The following TBC1D22A variants were observed in gnomAD, a reference collection of about 807,000 sequenced individuals.
TBC1D22A encodes the protein TBC1 domain family member 22A, also known as putative GTPase activator.
A neutral mutation model predicts 60.2 loss-of-function variants in TBC1D22A; 38 were observed. The ratio of observed to expected loss-of-function variants is 0.63; its 90% CI spans 0.49 to 0.83. The LOEUF (loss-of-function observed/expected upper bound fraction) is 0.83. Among genes scored for constraint, TBC1D22A ranks in the 40% least tolerant of loss-of-function variants. TBC1D22A has a pLI of 0.00. For missense variants in TBC1D22A, 628 were observed against 701.0 expected (o/e 0.90, Z 1.18); for synonymous variants, 302 against 281.7 (o/e 1.07, Z -0.72).
At chr22:46,856,947 G>A (rs868661965) in intron 4 of TBC1D22A, among the ~76,000 whole-genome samples, 4 of 152,186 alleles carry the variant, frequency 2.6e-5, no homozygotes, top group Admixed American at 1.3e-4. Flanking sequence ...GTTGGGATGC[G>A]AGCTAGAGGC....
intron 1 of TBC1D22A, among the ~76,000 whole-genome samples, chr22:46,780,256 T>C (rs2083880925): frequency 6.6e-6 from 1 of 152,224 alleles, no homozygotes; most frequent in Non-Finnish European, 1.5e-5. Context: ...TTTGACTAGA[T>C]GACTTGCCTG....
intron 11 of TBC1D22A, among the ~76,000 whole-genome samples, chr22:47,055,111 G>T (rs1361482383): frequency 6.6e-6 from 1 of 152,236 alleles, no homozygotes; most frequent in Non-Finnish European, 1.5e-5. Flanking sequence ...ACACTGCATG[G>T]GTACTTGCTC....
chr22:46,906,758 G>C (rs1010518771), intron 7 of TBC1D22A, among the ~76,000 whole-genome samples: 3 of 151,862 alleles, frequency 2.0e-5, no homozygotes, highest in Non-Finnish European at 4.4e-5. Context: ...GGCTGTGTGT[G>C]TGTCCCAGAT....
chr22:47,035,240 G>C lies in TBC1D22A; in HGVS notation c.1202-1831G>C, dbSNP rs114592759. Among the ~76,000 whole-genome samples the C allele has an allele frequency of 7.5e-3, 1,137 of 152,306 alleles. 17 individuals are homozygous for C. The highest frequency in any genetic ancestry group is 0.026 in the African/African-American group (1,084 of 41,560). ...CCTGCCTCCGGGGCCTGCCTGGCCTGCTTGTACCTGCTCTCTCTGCAGGCC... is the reference window on the plus strand; with the variant it reads ...CCTGCCTCCGGGGCCTGCCTGGCCTCCTTGTACCTGCTCTCTCTGCAGGCC... On this transcript the variant is annotated intron_variant, in intron 10 of 12. Transcript: ENST00000337137.
At chr22:46,832,846 G>T (rs1423805832) in intron 4 of TBC1D22A, among the ~76,000 whole-genome samples, 1 of 152,180 alleles carries the variant, frequency 6.6e-6, no homozygotes, top group Non-Finnish European at 1.5e-5. Context: ...ACTGGAATGC[G>T]CTTTCTGTCA....
chr22:46,938,766 A>G (rs774032209), intron 8 of TBC1D22A, among the ~76,000 whole-genome samples: 6 of 151,756 alleles, frequency 4.0e-5, no homozygotes, highest in Non-Finnish European at 5.9e-5. Context: ...TTGTATTTTT[A>G]GTAGAGATGG....
chr22:46,804,261 T>G (rs903389436), intron 4 of TBC1D22A, among the ~76,000 whole-genome samples: 1 of 152,272 alleles, frequency 6.6e-6, no homozygotes, highest in African/African-American at 2.4e-5. Flanking sequence ...TGTGCCTATT[T>G]CTTTTCTCTG....
At chr22:47,114,184 C>T (rs532002164) in intron 12 of TBC1D22A, among the ~76,000 whole-genome samples, 3 of 151,936 alleles carry the variant, frequency 2.0e-5, no homozygotes, top group Non-Finnish European at 4.4e-5. Flanking sequence ...TCTCTGAGCC[C>T]GGCCTACTTA....
At chr22:46,911,932 A>AAAAAC (rs1555944178) in intron 7 of TBC1D22A, 142 bp from the exon 8 acceptor site, 5 of 545,682 alleles carry the variant, frequency 9.2e-6, no homozygotes, top group East Asian at 3.3e-5. Flanking sequence ...AAAAAAAAAA[A>AAAAAC]ATTGATATTT....
chr22:46,811,471 G>A (rs1420037933), intron 4 of TBC1D22A, among the ~76,000 whole-genome samples: 2 of 152,190 alleles, frequency 1.3e-5, no homozygotes, highest in African/African-American at 2.4e-5. Flanking sequence ...TGGGAGATGG[G>A]GCAAGCCTCT....
rs202156789 is a variant in TBC1D22A at position 47,092,892 on chromosome 22, TG to T, written c.1330-18614del. Among the ~76,000 whole-genome samples, 865 of 152,340 alleles carry T rather than the reference TG, an allele frequency of 5.7e-3. 10 individuals carry two copies. The highest frequency in any genetic ancestry group is 0.02 in the African/African-American group (821 of 41,570). On this transcript the variant is annotated intron_variant, in intron 11 of 12. Transcript: ENST00000337137. Reference sequence around the variant, plus strand: ...AAGAAAACAGCGAAGTTCATCAGTTTGGACAGGATAGCAAAAGTACCTTTAG... The same window carrying T: ...AAGAAAACAGCGAAGTTCATCAGTTTGACAGGATAGCAAAAGTACCTTTAG...
At chr22:47,143,428 C>T (rs769417347) in intron 12 of TBC1D22A, among the ~76,000 whole-genome samples, 1 of 152,234 alleles carries the variant, frequency 6.6e-6, no homozygotes, top group Non-Finnish European at 1.5e-5. Context: ...GAAGTAGAAG[C>T]CCTGCCGCGC....
intron 1 of TBC1D22A, among the ~76,000 whole-genome samples, chr22:46,765,849 C>T (rs372216571): frequency 6.6e-6 from 1 of 150,540 alleles, no homozygotes; most frequent in East Asian, 1.9e-4. Flanking sequence ...GGCATGATCT[C>T]AGCTCACTGC....
intron 4 of TBC1D22A, among the ~76,000 whole-genome samples, chr22:46,851,239 G>T (rs566714204): frequency 6.6e-6 from 1 of 152,378 alleles, no homozygotes. Flanking sequence ...AGAGGTTTCA[G>T]TCTGTTGGAG....
At chr22:46,996,740 A>C (rs1391342890) in intron 9 of TBC1D22A, among the ~76,000 whole-genome samples, 1 of 152,114 alleles carries the variant, frequency 6.6e-6, no homozygotes, top group Non-Finnish European at 1.5e-5. Context: ...TGTTGATGGG[A>C]GCTGCCTCTT....
At chr22:46,896,922 A>C (rs1206525287) in intron 7 of TBC1D22A, among the ~76,000 whole-genome samples, 10 of 152,048 alleles carry the variant, frequency 6.6e-5, no homozygotes, top group Admixed American at 6.5e-4. Context: ...TATTCCATGG[A>C]AAGTTAGGGG....
intron 9 of TBC1D22A, among the ~76,000 whole-genome samples, chr22:46,994,107 C>T (rs147410458): frequency 2.6e-5 from 4 of 152,348 alleles, no homozygotes; most frequent in East Asian, 1.9e-4. Context: ...TATTGGCTCT[C>T]AGGTGTCATT....
At chr22:46,987,804 G>A (rs1393926960) in intron 9 of TBC1D22A, among the ~76,000 whole-genome samples, 1 of 152,158 alleles carries the variant, frequency 6.6e-6, no homozygotes, top group Admixed American at 6.5e-5. Context: ...AATTAAGACA[G>A]CAATTTGAAG....
intron 12 of TBC1D22A, among the ~76,000 whole-genome samples, chr22:47,146,103 G>A (rs924494299): frequency 7.3e-5 from 11 of 150,598 alleles, no homozygotes; most frequent in South Asian, 2.1e-4. Flanking sequence ...TGGGGGCCGC[G>A]GCGCGGGGAT....
Sources: allele counts gnomAD v4.1 joint callset (sites outside exome capture counted in the v4.1 genomes callset), GRCh38; gene constraint gnomAD v4.1.1; transcripts MANE v1.5; gene names NCBI Gene and HGNC (gene_info 2026-07-23, HGNC 2026-07-21).